MAP2: variants seen among roughly 807,000 people sequenced by gnomAD.
MAP2 encodes microtubule-associated protein 2.
Under a neutral mutation model 137.6 loss-of-function variants are expected in MAP2, and 14 were observed. That is an observed-to-expected ratio of 0.10 (90% CI 0.07 to 0.16). The LOEUF (loss-of-function observed/expected upper bound fraction) is 0.16. Ranked by LOEUF, MAP2 falls within the 10% of genes least tolerant of loss-of-function variation. The pLI is 1.00. For missense variants in MAP2, 2,088 were observed against 2,191.5 expected, an observed-to-expected ratio of 0.95 and a Z score of 0.94; for synonymous variants, 786 against 782.3, an observed-to-expected ratio of 1.00 and a Z score of -0.08.
rs778385851 is a variant in MAP2 at position 209,692,628 on chromosome 2, T to C, written c.458T>C (p.Leu153Ser). The stretch of plus-strand genomic sequence containing the variant: ...AAAATCAACCCGATTACTTCAGATT[T>C]ACTTACAGCCTCGAAGATGGAGTTC... ...SEQTVTVEED[L>S]LTASKMEFHD... Residue 153 changes from leucine to serine, a missense_variant, in exon 8 of 16, where the codon TTA (leucine) becomes TCA (serine). Around this residue, in one of 6 missense-constraint regions of MAP2, gnomAD observed 859 missense variants for 794.5 expected, o/e 1.08. Transcript: ENST00000682079. 2.2e-5 allele frequency: 35 copies of C among 1,567,378 alleles called. No individual in the cohort carries two copies. Among genetic ancestry groups the C allele is most frequent in the South Asian group, 6.0e-5 (5 of 83,144 alleles).
intron 5 of MAP2, among the ~76,000 whole-genome samples, chr2:209,662,889 A>T (rs2044339071): frequency 6.6e-6 from 1 of 152,228 alleles, no homozygotes; most frequent in South Asian, 2.1e-4. Flanking sequence ...TTTTGAACAA[A>T]TAAATTGCTC....
chr2:209,637,194 T>C (rs1004256046), intron 4 of MAP2, among the ~76,000 whole-genome samples: 3 of 151,966 alleles, frequency 2.0e-5, no homozygotes, highest in Admixed American at 2.0e-4. Flanking sequence ...TGTAATCCCA[T>C]CACTTTGGGA....
At chr2:209,467,946 G>T (rs1704564766) in intron 1 of MAP2, among the ~76,000 whole-genome samples, 1 of 152,076 alleles carries the variant, frequency 6.6e-6, no homozygotes, top group African/African-American at 2.4e-5. Context: ...GCTACAAGAG[G>T]TTGTTACATA....
chr2:209,487,828 G>A (rs907571781), intron 1 of MAP2, among the ~76,000 whole-genome samples: 3 of 152,010 alleles, frequency 2.0e-5, no homozygotes, highest in African/African-American at 4.8e-5. Flanking sequence ...TAAACCTTGA[G>A]TAAGGTAGCC....
chr2:209,492,854 C>T (rs2059292914), intron 1 of MAP2, among the ~76,000 whole-genome samples: 1 of 152,098 alleles, frequency 6.6e-6, no homozygotes. Context: ...ATGAAAATGG[C>T]CATACTGCCC....
In MAP2 at chr2:209,504,487, T is replaced by C. The variant is rs1047407570; in HGVS notation, c.-221-3105T>C. Among the ~76,000 whole-genome samples, 9 of 152,194 alleles carry C rather than the reference T, an allele frequency of 5.9e-5. 1 individual carries two copies. The South Asian group carries it at 1.9e-3, about 32-fold the overall frequency. ...AAATGGGCAGTTTCAGGTTAGACTT[T>C]CCCTGACTCCAGGCAACTAGTGAAC... is the stretch of plus-strand genomic sequence containing the variant. On this transcript the variant is annotated intron_variant, in intron 1 of 15. Transcript: ENST00000682079.
At chr2:209,571,827 A>G (rs2074440514) in intron 2 of MAP2, among the ~76,000 whole-genome samples, 1 of 151,976 alleles carries the variant, frequency 6.6e-6, no homozygotes, top group Admixed American at 6.6e-5. Flanking sequence ...TTTTTATTAA[A>G]TTGCAGTCAG....
At chr2:209,507,382 A>T (rs1280500991) in intron 1 of MAP2, among the ~76,000 whole-genome samples, 1 of 152,058 alleles carries the variant, frequency 6.6e-6, no homozygotes, top group South Asian at 2.1e-4. Flanking sequence ...TTTAATATAT[A>T]TTTTTTTCAA....
chr2:209,695,574 G>T lies in MAP2; in HGVS notation c.3404G>T (p.Gly1135Val), dbSNP rs1243093600. The T allele has an allele frequency of 6.2e-7, 1 of 1,614,076 alleles. No homozygotes were observed. Among genetic ancestry groups the T allele is most frequent in the Admixed American group, 1.7e-5 (1 of 60,004 alleles). The change falls in exon 8 of 16, where the codon GGT becomes GTT. Residue 1135 changes from glycine (G) to valine (V), a missense_variant. Transcript: ENST00000682079. ...VDKEESYESS[G>V]EHESLTMESL... ...AAGGAGGAGTCCTATGAATCTAGTG[G>T]TGAGCATGAAAGTCTCACCATGGAG...
At chr2:209,643,215 T>C (rs778708541) in intron 4 of MAP2, among the ~76,000 whole-genome samples, 42 of 152,198 alleles carry the variant, frequency 2.8e-4, no homozygotes, top group Non-Finnish European at 5.4e-4. Context: ...TCCTTTAGAT[T>C]TTCCAAGACT....
intron 11 of MAP2, among the ~76,000 whole-genome samples, chr2:209,701,620 A>T (rs994737442): frequency 6.6e-6 from 1 of 152,054 alleles, no homozygotes; most frequent in African/African-American, 2.4e-5. Context: ...TTTATTTATT[A>T]TGAAAAGTAG....
At chr2:209,516,787 C>A (rs2062579011) in intron 2 of MAP2, among the ~76,000 whole-genome samples, 1 of 151,984 alleles carries the variant, frequency 6.6e-6, no homozygotes, top group Non-Finnish European at 1.5e-5. Flanking sequence ...CTTAGGGTAT[C>A]CCTTGGGGTT....
intron 2 of MAP2, among the ~76,000 whole-genome samples, chr2:209,538,707 T>G (rs542449046): frequency 1.2e-4 from 18 of 152,204 alleles, no homozygotes; most frequent in Non-Finnish European, 2.1e-4. Flanking sequence ...CCTCTGCAGT[T>G]AATAAAAACA....
At chr2:209,493,667 C>A (rs9798099) in intron 1 of MAP2, among the ~76,000 whole-genome samples, 10 of 152,026 alleles carry the variant, frequency 6.6e-5, no homozygotes, top group Non-Finnish European at 5.9e-5. Context: ...ATGTGGCCAA[C>A]AAACATATGA....
chr2:209,724,502 G>GT (rs2073000791), intron 13 of MAP2, among the ~76,000 whole-genome samples: 1 of 152,002 alleles, frequency 6.6e-6, no homozygotes, highest in Non-Finnish European at 1.5e-5. Context: ...AATTTACAGG[G>GT]TGTCGAGTCT....
In MAP2 at chr2:209,610,565, G is replaced by A. The variant is rs572274268; in HGVS notation, c.-106-14488G>A. Among the ~76,000 whole-genome samples the A allele has an allele frequency of 4.6e-5, 7 of 150,922 alleles. No homozygotes were observed. The East Asian group carries it at 7.8e-4, about 17-fold the overall frequency. Reference sequence around the variant, plus strand: ...TGTGGCATTTCAAGTTTTCTTTTATGTGTTTACCAAATAACTTGTTATCAA... The same window carrying A: ...TGTGGCATTTCAAGTTTTCTTTTATATGTTTACCAAATAACTTGTTATCAA... On this transcript the variant is annotated intron_variant, in intron 3 of 15. Transcript: ENST00000682079.
rs1408151010 is a variant in MAP2 at position 209,692,703 on chromosome 2, A to C, written c.533A>C (p.Lys178Thr). 1.2e-6 allele frequency: 2 copies of C among 1,613,876 alleles called. No individual in the cohort carries two copies. Among genetic ancestry groups the C allele is most frequent in the Non-Finnish European group, 1.7e-6 (2 of 1,179,896 alleles). The change falls in exon 8 of 16, where the codon AAG becomes ACG. Residue 178 changes from lysine to threonine, a missense_variant. Physicochemically the swap from Lys to Thr is moderately conservative, Grantham distance 78. This residue lies in a region of MAP2 where 859 missense variants were observed against 794.5 expected (regional missense o/e 1.08). Transcript: ENST00000682079. The part of the protein sequence containing the change: ...TPSTAEPSDQ[K>T]EKESEKQSKP... ...TCTACAGCTGAGCCTTCAGACCAGAAGGAAAAGGAGTCAGAGAAGCAAAGT... is the reference window on the plus strand; with the variant it reads ...TCTACAGCTGAGCCTTCAGACCAGACGGAAAAGGAGTCAGAGAAGCAAAGT...
chr2:209,561,229 G>A (rs567569194), intron 2 of MAP2, among the ~76,000 whole-genome samples: 2 of 152,304 alleles, frequency 1.3e-5, no homozygotes, highest in African/African-American at 2.4e-5. Flanking sequence ...TTTTGGTTTT[G>A]TGTCAAATTC....
At chr2:209,440,214 A>G (rs553855074) in intron 1 of MAP2, among the ~76,000 whole-genome samples, 5 of 151,614 alleles carry the variant, frequency 3.3e-5, no homozygotes, top group Admixed American at 6.6e-5. Context: ...GGAATGGTCA[A>G]TAAGTATTTT....
Sources: gnomAD v4.1 joint callset for allele counts (sites outside exome capture counted in the v4.1 genomes callset) on GRCh38, gnomAD v4.1.1 for gene constraint, gnomAD v4.1.1 regional missense constraint, MANE v1.5 for transcripts, NCBI Gene and HGNC (gene_info 2026-07-23, HGNC 2026-07-21) for gene names.